Variants in MEMO1 observed in about 807,000 individuals in gnomAD.
The protein encoded by MEMO1 is mediator of cell motility 1.
A neutral mutation model predicts 45.2 loss-of-function variants in MEMO1; 6 were observed. The observed-to-expected ratio is 0.13, with a 90% confidence interval of 0.07 to 0.26. The LOEUF is 0.26. MEMO1 is among the 10% of genes least tolerant of loss of function. The pLI is 1.00. For missense variants in MEMO1, 184 were observed against 370.5 expected (o/e 0.50, Z 4.13); for synonymous variants, 78 against 124.3 (o/e 0.63, Z 2.48).
chr2:31,970,634 CAAA>C (rs1403884555), intron 2 of MEMO1, among the ~76,000 whole-genome samples: 1 of 130,804 alleles, frequency 7.6e-6, no homozygotes, highest in Admixed American at 7.8e-5. Context: ...CAGGATGAAG[CAAA>C]AAAAAAAAAG....
chr2:31,984,927 T>C (rs965774602), intron 2 of MEMO1, among the ~76,000 whole-genome samples: 3 of 152,230 alleles, frequency 2.0e-5, no homozygotes, highest in Non-Finnish European at 2.9e-5. Context: ...AAATGTACCA[T>C]GTAAGAGTAA....
intron 2 of MEMO1, among the ~76,000 whole-genome samples, chr2:31,968,473 G>A (rs913613151): frequency 2.0e-5 from 3 of 152,178 alleles, no homozygotes; most frequent in Non-Finnish European, 4.4e-5. Context: ...ACTACTAATA[G>A]TATGAGTAGA....
intron 2 of MEMO1, among the ~76,000 whole-genome samples, chr2:32,000,976 C>G (rs1469651148): frequency 6.7e-6 from 1 of 150,326 alleles, no homozygotes; most frequent in Non-Finnish European, 1.5e-5. Context: ...TTGATTCGTT[C>G]AATATTGAAT....
intron 2 of MEMO1, among the ~76,000 whole-genome samples, chr2:31,995,018 A>AAGGC (rs1270882166): frequency 1.3e-5 from 2 of 151,692 alleles, no homozygotes; most frequent in East Asian, 3.9e-4. Flanking sequence ...GGGAGGGAGG[A>AAGGC]AGGCAGGCAG....
chr2:31,886,022 A>G (rs1334823157), intron 7 of MEMO1, among the ~76,000 whole-genome samples: 1 of 152,200 alleles, frequency 6.6e-6, no homozygotes, highest in Non-Finnish European at 1.5e-5. Context: ...AAAAGAGGAA[A>G]TGTTTGAAAT....
chr2:31,932,227 G>A, intron 3 of MEMO1, 92 bp from the exon 4 acceptor site: 1 of 1,014,202 alleles, frequency 9.9e-7, no homozygotes, highest in Non-Finnish European at 1.5e-6. Flanking sequence ...AGTACCTATG[G>A]TAAACACAAC....
At chr2:31,951,843 A>T (rs1471869661) in intron 2 of MEMO1, among the ~76,000 whole-genome samples, 1 of 152,120 alleles carries the variant, frequency 6.6e-6, no homozygotes, top group East Asian at 1.9e-4. Flanking sequence ...ATTTGATTTT[A>T]AAAACAAATA....
At position 31,906,472 on chromosome 2, in the gene MEMO1, C is replaced by T. The variant is rs779940775; in HGVS notation, c.437+11454G>A. On this transcript the variant is annotated intron_variant, in intron 6 of 9. Coordinates refer to ENST00000404530, the MANE Select transcript of MEMO1 (RefSeq NM_001301833.4). ...CCAAGTAGCTTGGATTACAGGCACA[C>T]GCCACCAAGCCTGGCTAATTTTTTG... is the stretch of plus-strand genomic sequence containing the variant. 4.0e-5 allele frequency among the ~76,000 whole-genome samples: 6 copies of T among 151,850 alleles called. No individual in the cohort carries two copies. In the East Asian group the frequency reaches 5.8e-4, roughly 15 times the overall value.
chr2:31,966,542 C>A (rs1463279182), intron 2 of MEMO1, among the ~76,000 whole-genome samples: 1 of 152,036 alleles, frequency 6.6e-6, no homozygotes, highest in East Asian at 1.9e-4. Context: ...ACCATGCTGG[C>A]CAACATGAGG....
chr2:32,010,745 C>A (rs1172505696), intron 1 of MEMO1, among the ~76,000 whole-genome samples, 197 bp downstream of exon 1: 1 of 151,042 alleles, frequency 6.6e-6, no homozygotes, highest in African/African-American at 2.4e-5. Flanking sequence ...CCCGGCCGCC[C>A]GCCGCCGGCC....
At chr2:31,970,833 G>A (rs1170029062) in intron 2 of MEMO1, among the ~76,000 whole-genome samples, 6 of 151,940 alleles carry the variant, frequency 3.9e-5, no homozygotes, top group Admixed American at 6.6e-5. Context: ...GTGAAACCCC[G>A]TCTCTACTAA....
At chr2:31,928,762 TATA>T (rs1478541292) in intron 4 of MEMO1, among the ~76,000 whole-genome samples, 1 of 152,156 alleles carries the variant, frequency 6.6e-6, no homozygotes, top group African/African-American at 2.4e-5. Context: ...TAGCATTCGT[TATA>T]ATAATTTATT....
At chr2:31,901,124 C>T (rs1223463013) in intron 6 of MEMO1, among the ~76,000 whole-genome samples, 1 of 151,788 alleles carries the variant, frequency 6.6e-6, no homozygotes, top group Non-Finnish European at 1.5e-5. Context: ...ATAACCCTAA[C>T]ACTCTGGGAA....
chr2:31,970,344 TTTGC>T (rs1320536963), intron 2 of MEMO1, among the ~76,000 whole-genome samples: 1 of 152,168 alleles, frequency 6.6e-6, no homozygotes, highest in African/African-American at 2.4e-5. Flanking sequence ...CAATTTTACG[TTTGC>T]TACAGTAATC....
intron 7 of MEMO1, among the ~76,000 whole-genome samples, 179 bp downstream of exon 7, chr2:31,891,813 G>T (rs1349328159): frequency 2.0e-5 from 3 of 152,102 alleles, no homozygotes; most frequent in African/African-American, 7.2e-5. Flanking sequence ...ATCCACTATT[G>T]TAATCTGATC....
chr2:31,969,827 C>G (rs183016433), intron 2 of MEMO1, among the ~76,000 whole-genome samples: 90 of 151,598 alleles, frequency 5.9e-4, no homozygotes, highest in African/African-American at 2.1e-3. Context: ...CCAGTCTGGT[C>G]TCAAGCAATC....
intron 2 of MEMO1, among the ~76,000 whole-genome samples, chr2:31,955,246 G>C (rs191936272): frequency 1.3e-5 from 2 of 152,096 alleles, no homozygotes; most frequent in African/African-American, 4.8e-5. Flanking sequence ...TGCCTTAAAG[G>C]AGTTTATTTG....
intron 2 of MEMO1, among the ~76,000 whole-genome samples, chr2:31,953,207 A>C (rs924899503): frequency 6.6e-6 from 1 of 151,756 alleles, no homozygotes; most frequent in Non-Finnish European, 1.5e-5. Flanking sequence ...TCTCTACTGA[A>C]ACTACAAAAT....
At chr2:31,990,571 C>CT (rs34456440) in intron 2 of MEMO1, among the ~76,000 whole-genome samples, 1,277 of 119,918 alleles carry the variant, frequency 0.011, 10 homozygotes, top group African/African-American at 0.014. Context: ...AATTTTTTTT[C>CT]TTTTTTTTTT....
Sources: gnomAD v4.1 joint callset for allele counts (sites outside exome capture counted in the v4.1 genomes callset) on GRCh38, gnomAD v4.1.1 for gene constraint, MANE v1.5 for transcripts, NCBI Gene and HGNC (gene_info 2026-07-23, HGNC 2026-07-21) for gene names.